NR1I2: variants seen among roughly 807,000 people sequenced by gnomAD.
NR1I2 encodes the protein orphan nuclear receptor PAR1.
Under a neutral mutation model 43.3 loss-of-function variants are expected in NR1I2, and 42 were observed. The ratio of observed to expected loss-of-function variants is 0.97; its 90% confidence interval spans 0.76 to 1.26. NR1I2 has a LOEUF of 1.26. Among genes scored for constraint, NR1I2 ranks in the 50% most tolerant of loss-of-function variants. The probability of loss-of-function intolerance (pLI) is 0.00; values close to 1 mark genes in which losing one functional copy is unlikely to be tolerated. For missense variants in NR1I2, 559 were observed against 566.7 expected (o/e 0.99, Z 0.14); for synonymous variants, 229 against 215.0 (o/e 1.06, Z -0.57).
intron 1 of NR1I2, among the ~76,000 whole-genome samples, chr3:119,788,300 T>C (rs1219960290): frequency 1.3e-5 from 2 of 152,034 alleles, no homozygotes; most frequent in African/African-American, 4.8e-5. Flanking sequence ...TTATTTTTGG[T>C]AGAGACAAAG....
Position 119,810,128 on chromosome 3 carries a change from A to T in NR1I2, c.265A>T (p.Lys89Ter). ...GAAGGGCGCCTGCGAGATCACCCGG[A>T]AGACCCGGCGACAGTGCCAGGCCTG... is the stretch of plus-strand genomic sequence containing the variant. The change falls in exon 3 of 9, where the codon AAG becomes TAG. Residue 89 changes from lysine to a stop codon, truncating the protein, a stop_gained. Transcript: ENST00000393716. LOFTEE classifies it high-confidence loss of function. 1 of 1,613,448 alleles carries T rather than the reference A, an allele frequency of 6.2e-7. No individual in the cohort carries two copies. The highest frequency in any genetic ancestry group is 8.5e-7 in the Non-Finnish European group (1 of 1,179,854).
intron 2 of NR1I2, among the ~76,000 whole-genome samples, chr3:119,807,997 G>C (rs917597512): frequency 1.3e-5 from 2 of 152,182 alleles, no homozygotes; most frequent in African/African-American, 4.8e-5. Flanking sequence ...CCTTTGCAGA[G>C]TTCTTCGTGG....
chr3:119,811,515 G>A (rs2055240724), intron 3 of NR1I2, 24 bp from the exon 4 acceptor site: 1 of 1,595,554 alleles, frequency 6.3e-7, no homozygotes, highest in African/African-American at 1.3e-5. Context: ...ACGTGTGCCT[G>A]AGCCAGCCTC....
rs567429041 is a variant in NR1I2, at chr3:119,782,274, C to T, written c.-49C>T. On this transcript the variant is annotated 5_prime_UTR_variant, in exon 1 of 9. Transcript: ENST00000393716. ...TCAAAGTGGACCCCAGGGGAGAAGT[C>T]GGAGCAAAGAACTTACCACCAAGCA... 3.0e-5 allele frequency: 5 copies of T among 167,256 alleles called. No homozygotes were observed. The South Asian group carries it at 6.2e-4, about 21-fold the overall frequency. The allele number at this position is 167,256 out of a possible 1,614,324, so 10.4% of individuals were successfully genotyped here.
rs1436851778 is a variant in NR1I2 at position 119,815,356 on chromosome 3, T to G, written c.971T>G (p.Leu324Arg). 6.2e-7 allele frequency: 1 copy of G among 1,614,010 alleles called. No individual in the cohort carries two copies. Among genetic ancestry groups the G allele is most frequent in the Non-Finnish European group, 8.5e-7 (1 of 1,180,000 alleles). ...CAGCAACTTCTACTGGAGCCCATGC[T>G]GAAATTCCACTACATGCTGAAGAAG... The change falls in exon 7 of 9, where the codon CTG becomes CGG. Residue 324 changes from leucine to arginine, a missense_variant. Physicochemically the swap from Leu to Arg is moderately radical, Grantham distance 102. Transcript: ENST00000393716.
chr3:119,815,028 G>A lies in NR1I2; in HGVS notation c.844G>A (p.Glu282Lys), dbSNP rs367648421. ...CTCCCTGCTGAAGGGGGCCGCTTTC[G>A]AGCTGTGTCAACTGAGATTCAACAC... Residue 282 changes from glutamate to lysine, a missense_variant, in exon 6 of 9, where the codon GAG becomes AAG. Around this residue, in one of 3 missense-constraint regions of NR1I2, gnomAD observed 323 missense variants for 312.2 expected, o/e 1.03. Coordinates refer to ENST00000393716, the MANE Select transcript of NR1I2 (RefSeq NM_003889.4). The A allele has an allele frequency of 8.1e-6, 13 of 1,614,066 alleles. No individual in the cohort carries two copies. The highest frequency in any genetic ancestry group is 5.0e-5 in the Admixed American group (3 of 59,992).
chr3:119,815,657 CCCT>C, intron 7 of NR1I2, 66 bp from the exon 8 acceptor site: 1 of 1,385,218 alleles, frequency 7.2e-7, no homozygotes, highest in South Asian at 1.2e-5. Context: ...GCGAGCAATG[CCCT>C]GACTCTGGGC....
Position 119,818,405 on chromosome 3 carries a change from T to C in NR1I2, c.*1193T>C. On this transcript the variant is annotated 3_prime_UTR_variant, in exon 9 of 9. Coordinates refer to ENST00000393716, the MANE Select transcript of NR1I2 (RefSeq NM_003889.4). ...TACTTTATATAAGGCATTCCACACCTAAGAACTAGTTTTGGGAAATGTAGC... is the reference window on the plus strand; with the variant it reads ...TACTTTATATAAGGCATTCCACACCCAAGAACTAGTTTTGGGAAATGTAGC... 1.0e-6 allele frequency: 1 copy of C among 985,038 alleles called. No homozygotes were observed. Among genetic ancestry groups the C allele is most frequent in the Non-Finnish European group, 1.2e-6 (1 of 829,594 alleles). The allele number at this position is 985,038 out of a possible 1,614,324, so 61.0% of individuals were successfully genotyped here. A position where few individuals can be genotyped will look rare whatever the true frequency, so the allele number is the denominator to read the frequency against.
intron 1 of NR1I2, among the ~76,000 whole-genome samples, chr3:119,789,364 T>C (rs538169681): frequency 3.3e-5 from 5 of 152,312 alleles, no homozygotes; most frequent in South Asian, 2.1e-4. Flanking sequence ...CACAGTTCCA[T>C]GTGGCTGGGG....
chr3:119,800,083 T>C (rs761382342), intron 1 of NR1I2, among the ~76,000 whole-genome samples: 1 of 152,144 alleles, frequency 6.6e-6, no homozygotes, highest in Non-Finnish European at 1.5e-5. Context: ...CCATAAGAAC[T>C]TATTCCTGTT....
chr3:119,800,024 C>A (rs1419308269), intron 1 of NR1I2, among the ~76,000 whole-genome samples: 1 of 151,868 alleles, frequency 6.6e-6, no homozygotes, highest in Admixed American at 6.6e-5. Flanking sequence ...ACATATAATA[C>A]CCGAAGCCTT....
chr3:119,813,922 T>C (rs961719680), intron 5 of NR1I2, among the ~76,000 whole-genome samples: 1 of 152,182 alleles, frequency 6.6e-6, no homozygotes, highest in African/African-American at 2.4e-5. Context: ...GAGGTGTCAC[T>C]GCCATCTTCA....
At position 119,801,622 on chromosome 3, in the gene NR1I2, T is replaced by A. The variant is rs575121885; in HGVS notation, c.-22-5607T>A. ...CTAACCCAACTCCAGGGGTTCCACTTCCATTATTTCTTGCCGTGTAACAAA... is the reference window on the plus strand; with the variant it reads ...CTAACCCAACTCCAGGGGTTCCACTACCATTATTTCTTGCCGTGTAACAAA... On this transcript the variant is annotated intron_variant, in intron 1 of 8. Coordinates refer to ENST00000393716, the MANE Select transcript of NR1I2 (RefSeq NM_003889.4). Among the ~76,000 whole-genome samples the A allele has an allele frequency of 2.0e-5, 3 of 152,316 alleles. No individual in the cohort carries two copies. In the East Asian group the frequency reaches 5.8e-4, roughly 29 times the overall value.
intron 1 of NR1I2, among the ~76,000 whole-genome samples, chr3:119,787,109 G>A (rs780708746): frequency 7.2e-5 from 11 of 152,118 alleles, no homozygotes; most frequent in South Asian, 4.2e-4. Context: ...CCAAAATGGC[G>A]AAAACCCGTC....
intron 1 of NR1I2, among the ~76,000 whole-genome samples, chr3:119,806,106 C>T (rs62264684): frequency 0.054 from 8,276 of 152,202 alleles, 283 homozygotes; most frequent in Middle Eastern, 0.089. Flanking sequence ...GAAAAAGCAT[C>T]GTCATCTGTG....
At chr3:119,808,738 C>T (rs535048883) in intron 2 of NR1I2, among the ~76,000 whole-genome samples, 8 of 152,370 alleles carry the variant, frequency 5.3e-5, no homozygotes, top group East Asian at 1.9e-4. Context: ...GGGGATCCAT[C>T]GTCTCCAAGC....
Position 119,817,774 on chromosome 3 carries a change from C to G in NR1I2, c.*562C>G. 1.0e-6 allele frequency: 1 copy of G among 1,002,112 alleles called. No homozygotes were observed. Among genetic ancestry groups the G allele is most frequent in the Non-Finnish European group, 1.2e-6 (1 of 838,654 alleles). 62.1% of individuals were successfully genotyped at this position (1,002,112 alleles called of 1,614,324 possible). On this transcript the variant is annotated 3_prime_UTR_variant, in exon 9 of 9. Transcript: ENST00000393716. ...GGGAGTCCTCTAGAGAGATGAGAAG[C>G]CAGGAGGCCTGCACCAAATGTCAGA...
chr3:119,792,730 C>A (rs1211911402), intron 1 of NR1I2, among the ~76,000 whole-genome samples: 1 of 152,038 alleles, frequency 6.6e-6, no homozygotes, highest in Non-Finnish European at 1.5e-5. Context: ...AAAAATTTAG[C>A]TGGACGTGGT....
chr3:119,782,831 C>A (rs761005384), intron 1 of NR1I2: 2 of 1,613,882 alleles, frequency 1.2e-6, no homozygotes, highest in East Asian at 2.2e-5. Flanking sequence ...CACAGTGCTG[C>A]GGCTGAGTTG....
Sources: gnomAD v4.1 joint callset for allele counts (sites outside exome capture counted in the v4.1 genomes callset) on GRCh38, gnomAD v4.1.1 for gene constraint, gnomAD v4.1.1 regional missense constraint, MANE v1.5 for transcripts, NCBI Gene and HGNC (gene_info 2026-07-23, HGNC 2026-07-21) for gene names.